The following ADH4 variants were observed in gnomAD, a reference collection of about 807,000 sequenced individuals.
ADH4 encodes the protein alcohol dehydrogenase 4 (class II), pi polypeptide.
Under a neutral mutation model 35.2 loss-of-function variants are expected in ADH4, and 31 were observed. That is an observed-to-expected ratio of 0.88 (90% CI 0.66 to 1.19). The LOEUF (loss-of-function observed/expected upper bound fraction) is 1.19. Among genes scored for constraint, ADH4 ranks in the 50% most tolerant of loss-of-function variants. The probability of loss-of-function intolerance (pLI) is 0.00; values close to 1 mark genes in which losing one functional copy is unlikely to be tolerated. For missense variants in ADH4, 476 were observed against 458.3 expected, an observed-to-expected ratio of 1.04 and a Z score of -0.35; for synonymous variants, 171 against 160.2, an observed-to-expected ratio of 1.07 and a Z score of -0.51.
intron 2 of ADH4, among the ~76,000 whole-genome samples, chr4:99,141,884 A>G (rs952568126): frequency 6.6e-6 from 1 of 152,156 alleles, no homozygotes; most frequent in Admixed American, 6.5e-5. Context: ...TTTGTTTTCT[A>G]CCTTTTGCTG....
intron 6 of ADH4, among the ~76,000 whole-genome samples, chr4:99,130,622 T>C (rs1729242245): frequency 6.6e-6 from 1 of 152,222 alleles, no homozygotes; most frequent in South Asian, 2.1e-4. Flanking sequence ...TAATTGAAAA[T>C]GACTTTCATG....
chr4:99,137,481 C>G (rs774144366), intron 4 of ADH4, among the ~76,000 whole-genome samples: 2 of 152,094 alleles, frequency 1.3e-5, no homozygotes, highest in African/African-American at 4.8e-5. Flanking sequence ...AGGCTGGTCT[C>G]GAACTCCTGA....
chr4:99,140,380 C>T (rs6840413), intron 3 of ADH4, among the ~76,000 whole-genome samples: 24,460 of 152,024 alleles, frequency 0.16, 2,767 homozygotes, highest in African/African-American at 0.29. Flanking sequence ...TCAAGAGCAG[C>T]CTGGCCAACA....
At chr4:99,128,905 T>C (rs1449759982) in intron 6 of ADH4, among the ~76,000 whole-genome samples, 3 of 152,070 alleles carry the variant, frequency 2.0e-5, no homozygotes, top group Admixed American at 6.6e-5. Context: ...GCTTAAGTTA[T>C]TTTCTCACCT....
chr4:99,135,860 C>T (rs1285260445), intron 5 of ADH4, among the ~76,000 whole-genome samples: 1 of 152,140 alleles, frequency 6.6e-6, no homozygotes, highest in Non-Finnish European at 1.5e-5. Flanking sequence ...TGTGAGATCC[C>T]TCTTTGATGT....
Position 99,136,755 on chromosome 4 carries a change from C to T in ADH4, c.351-58G>A, listed in dbSNP as rs1579400727. 4.6e-6 allele frequency: 5 copies of T among 1,087,264 alleles called. No homozygotes were observed. In the East Asian group the frequency reaches 7.4e-5, roughly 16 times the overall value. 67.4% of individuals were successfully genotyped at this position (1,087,264 alleles called of 1,614,324 possible). On this transcript the variant is annotated intron_variant, in intron 4 of 8. Transcript: ENST00000265512. ...AAGAGAAGTTATAATAAATGGAACA[C>T]TGATCATTTTCCTACAAAATATGTT...
chr4:99,132,484 T>G (rs1729314559), intron 5 of ADH4, among the ~76,000 whole-genome samples: 2 of 151,580 alleles, frequency 1.3e-5, no homozygotes, highest in South Asian at 4.2e-4. Flanking sequence ...TTGCTTTTCT[T>G]TTATTATATA....
chr4:99,141,749 A>G (rs1729632739), intron 2 of ADH4, 67 bp from the exon 3 acceptor site: 3 of 1,482,026 alleles, frequency 2.0e-6, no homozygotes, highest in African/African-American at 2.8e-5. Context: ...TGTTACATAT[A>G]AGATTAGGCT....
chr4:99,139,194 A>G (rs374565461), intron 3 of ADH4, 46 bp from the exon 4 acceptor site: 2 of 1,295,960 alleles, frequency 1.5e-6, no homozygotes, highest in Admixed American at 1.8e-5. Flanking sequence ...GGTGTTACTT[A>G]TAGCTTCTAC....
At chr4:99,143,458 T>G in intron 1 of ADH4, 1 of 365,250 alleles carries the variant, frequency 2.7e-6, no homozygotes, top group South Asian at 5.1e-5. Flanking sequence ...AATTAAATAT[T>G]TAGGATTCTA....
chr4:99,141,508 A>T, intron 3 of ADH4, 33 bp downstream of exon 3: 2 of 1,589,240 alleles, frequency 1.3e-6, no homozygotes, highest in Non-Finnish European at 1.7e-6. Flanking sequence ...AAATATTGTG[A>T]CATTTCCATT....
chr4:99,141,817 G>T, intron 2 of ADH4, 135 bp from the exon 3 acceptor site: 1 of 776,882 alleles, frequency 1.3e-6, no homozygotes, highest in South Asian at 4.4e-5. Flanking sequence ...ATCACCTTTT[G>T]AAAAAAGAAC....
At chr4:99,127,056 A>G (rs1579391608) in intron 7 of ADH4, among the ~76,000 whole-genome samples, 153 bp downstream of exon 7, 1 of 151,936 alleles carries the variant, frequency 6.6e-6, no homozygotes, top group East Asian at 1.9e-4. Context: ...AATTATTTAT[A>G]AGTCATTAAT....
chr4:99,132,608 A>T (rs1729320749), intron 5 of ADH4, among the ~76,000 whole-genome samples: 1 of 152,184 alleles, frequency 6.6e-6, no homozygotes, highest in South Asian at 2.1e-4. Flanking sequence ...TCTTCTGTAT[A>T]TTGAGTCTTT....
At chr4:99,130,122 C>T (rs1729227092) in intron 6 of ADH4, among the ~76,000 whole-genome samples, 1 of 152,202 alleles carries the variant, frequency 6.6e-6, no homozygotes. Context: ...CATACATCCT[C>T]ATGTATTGCC....
intron 6 of ADH4, among the ~76,000 whole-genome samples, chr4:99,127,831 C>CA (rs70955969): frequency 0.24 from 30,374 of 125,532 alleles, 3,662 homozygotes; most frequent in Non-Finnish European, 0.31. Flanking sequence ...GACTCTGTCT[C>CA]AAAAAAAAAA....
rs1579389121 is a variant in ADH4, at chr4:99,124,577, A to G, written c.1119-111T>C. 1.7e-5 allele frequency: 11 copies of G among 633,680 alleles called. No homozygotes were observed. In the East Asian group the frequency reaches 3.4e-4, roughly 20 times the overall value. The allele number at this position is 633,680 out of a possible 1,614,324, so 39.3% of individuals were successfully genotyped here. ...CAGGATCTGGTCTTCCTTTATAGAC[A>G]TTCACTTTATTAAGCCTAATTTCTT... On this transcript the variant is annotated intron_variant, in intron 8 of 8. Transcript: ENST00000265512.
intron 3 of ADH4, among the ~76,000 whole-genome samples, chr4:99,139,682 C>T (rs1729550540): frequency 6.6e-6 from 1 of 152,058 alleles, no homozygotes; most frequent in Admixed American, 6.5e-5. Context: ...TAATACATAC[C>T]ACGCACCATT....
chr4:99,123,851 C>T lies in ADH4; in HGVS notation c.*591G>A, dbSNP rs574014363. On this transcript the variant is annotated 3_prime_UTR_variant, in exon 9 of 9. Coordinates refer to ENST00000265512, the MANE Select transcript of ADH4 (RefSeq NM_000670.5). ...TTCCAGGGTACATGTGCAGGATGTG[C>T]AGGTTTGTTACATAGGTAAACATGT... 6.6e-6 allele frequency: 1 copy of T among 152,274 alleles called. No homozygotes were observed. Among genetic ancestry groups the T allele is most frequent in the South Asian group, 2.1e-4 (1 of 4,828 alleles). 9.4% of individuals were successfully genotyped at this position (152,274 alleles called of 1,614,324 possible). A position where few individuals can be genotyped will look rare whatever the true frequency, so the allele number is the denominator to read the frequency against.
Sources: allele counts gnomAD v4.1 joint callset (sites outside exome capture counted in the v4.1 genomes callset), GRCh38; gene constraint gnomAD v4.1.1; transcripts MANE v1.5; gene names NCBI Gene and HGNC (gene_info 2026-07-23, HGNC 2026-07-21).